Variants in BRD7 observed in about 807,000 individuals in gnomAD.
BRD7 encodes bromodomain-containing protein 7.
A neutral mutation model predicts 82.1 loss-of-function variants in BRD7; 15 were observed. The observed-to-expected ratio is 0.18, with a 90% confidence interval of 0.12 to 0.28. The LOEUF (loss-of-function observed/expected upper bound fraction) is 0.28, where lower values mean the gene tolerates loss of function less well. BRD7 is among the 10% of genes least tolerant of loss of function. The pLI is 1.00. For synonymous variants in BRD7, 232 were observed against 266.9 expected, an observed-to-expected ratio of 0.87 and a Z score of 1.27; for missense variants, 638 against 779.9, an observed-to-expected ratio of 0.82 and a Z score of 2.17.
chr16:50,338,483 A>C (rs539134454), intron 6 of BRD7, among the ~76,000 whole-genome samples: 1 of 152,362 alleles, frequency 6.6e-6, no homozygotes, highest in Admixed American at 6.5e-5. Context: ...AATACAGAAA[A>C]ATGAATCACC....
rs1256248125 is a variant in BRD7 at position 50,320,774 on chromosome 16, T to C, written c.1501A>G (p.Ile501Val). The change falls in exon 14 of 17, where the codon ATT becomes GTT. Residue 501 changes from isoleucine (I) to valine (V), a missense_variant and splice_region_variant. This residue lies in a region of BRD7 where 402 missense variants were observed against 500.8 expected (regional missense o/e 0.80). Coordinates refer to ENST00000394688, the MANE Select transcript of BRD7 (RefSeq NM_013263.5). ...CGCCCTGGTGGCTCTACTTCTGTAA[T>C]CTGCTTCAAAAGGAAAAACAGGCAA... ...RTLDTAKEME[I>V]TEVEPPGRLD... 6.2e-7 allele frequency: 1 copy of C among 1,610,896 alleles called. No individual in the cohort carries two copies. Among genetic ancestry groups the C allele is most frequent in the African/African-American group, 1.3e-5 (1 of 74,846 alleles).
intron 6 of BRD7, 22 bp from the exon 7 acceptor site, chr16:50,334,917 C>A: frequency 1.9e-6 from 3 of 1,602,960 alleles, no homozygotes; most frequent in South Asian, 1.1e-5. Context: ...CGAAAATATT[C>A]TTATTATATG....
intron 4 of BRD7, among the ~76,000 whole-genome samples, chr16:50,351,832 T>C (rs1314660203): frequency 6.6e-6 from 1 of 151,924 alleles, no homozygotes; most frequent in Non-Finnish European, 1.5e-5. Context: ...CGGTGTATCC[T>C]TGTATGTATG....
intron 6 of BRD7, among the ~76,000 whole-genome samples, chr16:50,339,449 AAC>A (rs2037954098): frequency 6.6e-6 from 1 of 152,238 alleles, no homozygotes; most frequent in African/African-American, 2.4e-5. Flanking sequence ...AGACAGCTGT[AAC>A]ACAATGCTAA....
intron 14 of BRD7, 32 bp downstream of exon 14, chr16:50,320,629 CAG>C (rs1266364824): frequency 1.3e-6 from 2 of 1,510,366 alleles, no homozygotes; most frequent in East Asian, 4.5e-5. Flanking sequence ...CTACATCATG[CAG>C]TGTTTCAATC....
chr16:50,324,799 G>A (rs1479663762), intron 11 of BRD7, among the ~76,000 whole-genome samples: 1 of 152,222 alleles, frequency 6.6e-6, no homozygotes, highest in Non-Finnish European at 1.5e-5. Context: ...GAGGGCATGG[G>A]CCTTTGCCAG....
chr16:50,327,848 CCTCT>C lies in BRD7; in HGVS notation c.1087+817_1087+820del, dbSNP rs533492330. On this transcript the variant is annotated intron_variant, in intron 9 of 16. Coordinates refer to ENST00000394688, the MANE Select transcript of BRD7 (RefSeq NM_013263.5). ...CTCCATAGAACAAGGAAAAGGGACTCCTCTCTCTCTGTTTTGTTCTCTACTACAC... is the reference window on the plus strand; with the variant it reads ...CTCCATAGAACAAGGAAAAGGGACTCCTCTCTGTTTTGTTCTCTACTACAC... 3.3e-3 allele frequency among the ~76,000 whole-genome samples: 499 copies of C among 152,290 alleles called. 3 individuals are homozygous for C. Among genetic ancestry groups the C allele is most frequent in the Middle Eastern group, 0.02 (6 of 294 alleles).
intron 2 of BRD7, among the ~76,000 whole-genome samples, chr16:50,356,714 G>GA (rs536117005): frequency 8.8e-4 from 106 of 121,094 alleles, no homozygotes; most frequent in East Asian, 1.8e-3. Context: ...TTCCTTAGGG[G>GA]AAAAAAAAAA....
At chr16:50,364,670 A>T (rs1187848877) in intron 2 of BRD7, among the ~76,000 whole-genome samples, 1 of 152,230 alleles carries the variant, frequency 6.6e-6, no homozygotes, top group Non-Finnish European at 1.5e-5. Flanking sequence ...AGGGGGGAGA[A>T]CACTTCTAAG....
intron 4 of BRD7, among the ~76,000 whole-genome samples, chr16:50,352,571 T>C (rs889048961): frequency 2.6e-5 from 4 of 152,224 alleles, no homozygotes; most frequent in African/African-American, 7.2e-5. Flanking sequence ...AGTAGCTGAA[T>C]TGCTGGATCA....
intron 1 of BRD7, 29 bp from the exon 2 acceptor site, chr16:50,368,327 A>C (rs755565646): frequency 6.2e-7 from 1 of 1,606,658 alleles, no homozygotes; most frequent in Non-Finnish European, 8.5e-7. Context: ...AAGAAAGGAA[A>C]GCGCGTCGAT....
chr16:50,366,309 GGA>G (rs1209284848), intron 2 of BRD7, among the ~76,000 whole-genome samples: 1 of 152,184 alleles, frequency 6.6e-6, no homozygotes, highest in Admixed American at 6.5e-5. Context: ...AGCAGGTGAA[GGA>G]GAGTCCCAGG....
chr16:50,326,478 T>G, intron 9 of BRD7, 87 bp from the exon 10 acceptor site: 1 of 811,416 alleles, frequency 1.2e-6, no homozygotes, highest in Non-Finnish European at 1.9e-6. Context: ...CACAAACCAC[T>G]GCATGTCATC....
intron 3 of BRD7, 47 bp downstream of exon 3, chr16:50,354,746 G>A (rs4407056): frequency 1 from 1,578,491 of 1,578,674 alleles, 789,154 homozygotes; most frequent in Middle Eastern, 1. Flanking sequence ...GAGCTATAAT[G>A]ATTTCAGCCT....
At chr16:50,340,567 G>A (rs1022536207) in intron 5 of BRD7, among the ~76,000 whole-genome samples, 10 of 152,010 alleles carry the variant, frequency 6.6e-5, no homozygotes, top group South Asian at 2.1e-4. Context: ...CTAAATTATC[G>A]CAGTATTTCC....
At chr16:50,366,590 A>C (rs1477388983) in intron 2 of BRD7, among the ~76,000 whole-genome samples, 1 of 152,238 alleles carries the variant, frequency 6.6e-6, no homozygotes, top group African/African-American at 2.4e-5. Context: ...TGAGCAAGGG[A>C]AACTGAATTC....
intron 8 of BRD7, among the ~76,000 whole-genome samples, chr16:50,331,817 T>C (rs999012741): frequency 9.2e-5 from 14 of 152,136 alleles, no homozygotes; most frequent in African/African-American, 3.1e-4. Context: ...TGGAACAGAA[T>C]AGAGAACCCA....
Position 50,322,032 on chromosome 16 carries a change from G to A in BRD7, c.1450C>T (p.Pro484Ser). 2 of 1,609,628 alleles carry A rather than the reference G, an allele frequency of 1.2e-6. No individual in the cohort carries two copies. Among genetic ancestry groups the A allele is most frequent in the Non-Finnish European group, 1.7e-6 (2 of 1,178,942 alleles). ...GTCCTAGTATGGCCTTCATCTTCAG[G>A]CAATGACTATAAGGATGAAGAAAAA... Reference protein sequence around the residue: ...RTLQEMEMSLPEDEGHTRTLD... With the variant: ...RTLQEMEMSLSEDEGHTRTLD... Residue 484 changes from proline to serine, a missense_variant, in exon 13 of 17, where the codon CCT becomes TCT. Pro to Ser is a moderately conservative substitution (Grantham distance 74, BLOSUM62 -1). Transcript: ENST00000394688.
At chr16:50,340,590 A>G (rs2038005846) in intron 5 of BRD7, among the ~76,000 whole-genome samples, 1 of 152,220 alleles carries the variant, frequency 6.6e-6, no homozygotes, top group Admixed American at 6.5e-5. Flanking sequence ...CCAAATTCAC[A>G]TTAACTGAGC....
Sources: allele counts gnomAD v4.1 joint callset (sites outside exome capture counted in the v4.1 genomes callset), GRCh38; gene constraint gnomAD v4.1.1; regional missense constraint gnomAD v4.1.1; transcripts MANE v1.5; gene names NCBI Gene and HGNC (gene_info 2026-07-23, HGNC 2026-07-21).